Variants in LDLRAD4 observed in about 807,000 individuals in gnomAD.
LDLRAD4 encodes the protein low density lipoprotein receptor class A domain containing 4, also known as low-density lipoprotein receptor class A domain-containing protein 4.
LDLRAD4 carries 5 observed loss-of-function variants against 17.0 expected under a neutral mutation model. That is an observed-to-expected ratio of 0.29 (90% CI 0.15 to 0.62). The LOEUF (loss-of-function observed/expected upper bound fraction) is 0.62. Among genes scored for constraint, LDLRAD4 ranks in the 20% least tolerant of loss-of-function variants. LDLRAD4 has a pLI of 0.84. For missense variants in LDLRAD4, 340 were observed against 424.7 expected, an observed-to-expected ratio of 0.80 and a Z score of 1.75; for synonymous variants, 168 against 171.8, an observed-to-expected ratio of 0.98 and a Z score of 0.17.
At chr18:13,343,049 C>T (rs2082466441) in intron 1 of LDLRAD4, among the ~76,000 whole-genome samples, 1 of 151,996 alleles carries the variant, frequency 6.6e-6, no homozygotes, top group Admixed American at 6.6e-5. Flanking sequence ...TTGAGCATTA[C>T]ACATAATTTC....
At chr18:13,284,574 G>T (rs2045498072) in intron 1 of LDLRAD4, among the ~76,000 whole-genome samples, 1 of 152,156 alleles carries the variant, frequency 6.6e-6, no homozygotes, top group Non-Finnish European at 1.5e-5. Flanking sequence ...CAGATTCTGG[G>T]TTGCTTGGTG....
chr18:13,365,918 C>T (rs568924863), intron 1 of LDLRAD4, among the ~76,000 whole-genome samples: 12 of 152,168 alleles, frequency 7.9e-5, no homozygotes, highest in South Asian at 2.1e-4. Flanking sequence ...GGATTACAGG[C>T]GCCCGTCATC....
intron 1 of LDLRAD4, among the ~76,000 whole-genome samples, chr18:13,324,019 C>T (rs892431721): frequency 7.9e-5 from 12 of 151,648 alleles, no homozygotes; most frequent in South Asian, 2.1e-4. Flanking sequence ...GAGCCAAGAT[C>T]GTGCCGCTGC....
chr18:13,226,184 T>TTTTTTTTTTTTTTG, intron 1 of LDLRAD4, among the ~76,000 whole-genome samples: 1 of 124,696 alleles, frequency 8.0e-6, no homozygotes, highest in Non-Finnish European at 1.6e-5. Flanking sequence ...GCCTTGCTTT[T>TTTTTTTTTTTTTTG]TTTTTTTTTT....
chr18:13,448,488 G>A (rs2091575131), intron 3 of LDLRAD4, among the ~76,000 whole-genome samples: 1 of 152,162 alleles, frequency 6.6e-6, no homozygotes, highest in African/African-American at 2.4e-5. Context: ...GCTGCGCTTG[G>A]GTGCCTGCGT....
At chr18:13,406,635 G>T (rs1257442135) in intron 2 of LDLRAD4, among the ~76,000 whole-genome samples, 1 of 152,190 alleles carries the variant, frequency 6.6e-6, no homozygotes, top group African/African-American at 2.4e-5. Flanking sequence ...CTCTGAGCGG[G>T]AGCTACAGTG....
Position 13,622,580 on chromosome 18 carries a change from C to G in LDLRAD4, c.336+1309C>G, listed in dbSNP as rs1248082580. On this transcript the variant is annotated intron_variant, in intron 4 of 5. Coordinates refer to ENST00000359446, the Ensembl canonical transcript of LDLRAD4. The surrounding 1 kb of genome is among the most constrained non-coding windows in gnomAD (Gnocchi z 5.3). The stretch of plus-strand genomic sequence containing the variant: ...ACTTTCCTCGAGCCTCCACAGCATC[C>G]TGGGGTCCTTTGTCTGGTGTCCACA... Among the ~76,000 whole-genome samples, 3 of 152,208 alleles carry G rather than the reference C, an allele frequency of 2.0e-5. No individual in the cohort carries two copies. The South Asian group carries it at 6.2e-4, about 31-fold the overall frequency.
At chr18:13,501,366 A>G (rs934986235) in intron 3 of LDLRAD4, 4 of 152,132 alleles carry the variant, frequency 2.6e-5, no homozygotes, top group South Asian at 2.1e-4. Context: ...AAACCTAGAC[A>G]TTACCTCATC....
rs995869629 is a variant in LDLRAD4 at position 13,643,342 on chromosome 18, C to T, written c.337-17C>T. 4.8e-6 allele frequency: 7 copies of T among 1,467,376 alleles called. No individual in the cohort carries two copies. Among genetic ancestry groups the T allele is most frequent in the Non-Finnish European group, 6.4e-6 (7 of 1,100,826 alleles). The allele number at this position is 1,467,376 out of a possible 1,614,324, so 90.9% of individuals were successfully genotyped here. On this transcript the variant is annotated splice_polypyrimidine_tract_variant and intron_variant, in intron 4 of 5. Coordinates refer to ENST00000359446, the Ensembl canonical transcript of LDLRAD4. ...GTTTCTTGTTCCCCCCACTCTCCTC[C>T]CCTTCCCCTCCGCCAGGAAGGGTGC...
intron 4 of LDLRAD4, among the ~76,000 whole-genome samples, chr18:13,640,839 A>G (rs950832688): frequency 3.9e-5 from 6 of 152,188 alleles, no homozygotes; most frequent in African/African-American, 9.6e-5. Context: ...GAGGGAACGG[A>G]GAAGAGGGGC....
In LDLRAD4 at chr18:13,353,480, A is replaced by G. The variant is rs555728719; in HGVS notation, c.-382-33861A>G. ...TTGGCTGCTGGACCTTATGTATTCTATTGTATTCCTCTGCCTGCAGTCTGT... is the reference window on the plus strand; with the variant it reads ...TTGGCTGCTGGACCTTATGTATTCTGTTGTATTCCTCTGCCTGCAGTCTGT... On this transcript the variant is annotated intron_variant, in intron 1 of 5. Transcript: ENST00000359446. Among the ~76,000 whole-genome samples the G allele has an allele frequency of 9.2e-5, 14 of 152,192 alleles. No homozygotes were observed. In the South Asian group the frequency reaches 2.3e-3, roughly 25 times the overall value.
At chr18:13,529,879 A>T (rs1260322219) in intron 3 of LDLRAD4, among the ~76,000 whole-genome samples, 2 of 152,174 alleles carry the variant, frequency 1.3e-5, no homozygotes, top group African/African-American at 4.8e-5. Flanking sequence ...ACCGAGGTGG[A>T]AGAGGTTCCG....
chr18:13,417,440 T>C (rs1161206692), intron 2 of LDLRAD4, among the ~76,000 whole-genome samples: 21 of 151,346 alleles, frequency 1.4e-4, no homozygotes, highest in Admixed American at 1.3e-3. Flanking sequence ...TTTTTCTTTT[T>C]TTTTTTTTTT....
intron 1 of LDLRAD4, among the ~76,000 whole-genome samples, chr18:13,358,096 T>G (rs967869066): frequency 6.6e-6 from 1 of 152,130 alleles, no homozygotes; most frequent in Non-Finnish European, 1.5e-5. Context: ...ATCTTGTATA[T>G]TTTTTGCACC....
chr18:13,549,695 C>A (rs536652786), intron 3 of LDLRAD4, among the ~76,000 whole-genome samples: 2 of 151,814 alleles, frequency 1.3e-5, no homozygotes, highest in Non-Finnish European at 2.9e-5. Context: ...TTAAAATTAG[C>A]CCTGGCTGGA....
intron 3 of LDLRAD4, among the ~76,000 whole-genome samples, chr18:13,572,293 G>C (rs1250625390): frequency 6.6e-6 from 1 of 152,230 alleles, no homozygotes; most frequent in African/African-American, 2.4e-5. Flanking sequence ...CAGGCCTGCT[G>C]CTGAGCCACC....
intron 3 of LDLRAD4, among the ~76,000 whole-genome samples, chr18:13,462,645 A>T (rs2092471047): frequency 6.6e-6 from 1 of 152,238 alleles, no homozygotes; most frequent in South Asian, 2.1e-4. Flanking sequence ...AAATTCTTCT[A>T]TGCCAAGCCT....
chr18:13,265,184 G>A (rs1476504515), intron 1 of LDLRAD4, among the ~76,000 whole-genome samples: 1 of 152,160 alleles, frequency 6.6e-6, no homozygotes, highest in Non-Finnish European at 1.5e-5. Flanking sequence ...CCTCTGAACA[G>A]ACTGCCCTGC....
intron 1 of LDLRAD4, among the ~76,000 whole-genome samples, chr18:13,340,924 G>T (rs1305034013): frequency 2.0e-5 from 3 of 152,058 alleles, no homozygotes; most frequent in Non-Finnish European, 2.9e-5. Context: ...TAGGACAAGG[G>T]TCCAGCTTCA....
Sources: gnomAD v4.1 joint callset for allele counts (sites outside exome capture counted in the v4.1 genomes callset) on GRCh38, gnomAD v4.1.1 for gene constraint, Gnocchi (gnomAD v3.1) non-coding constraint, MANE v1.5 for transcripts, NCBI Gene and HGNC (gene_info 2026-07-23, HGNC 2026-07-21) for gene names.